The following LRTM1 variants were observed in gnomAD, a reference collection of about 807,000 sequenced individuals.
LRTM1 encodes leucine rich repeat transmembrane protein 1, also known as leucine-rich repeat and transmembrane domain-containing protein 1.
LRTM1 carries 38 observed loss-of-function variants against 32.4 expected under a neutral mutation model. That is an observed-to-expected ratio of 1.17 (90% CI 0.91 to 1.54). The LOEUF (loss-of-function observed/expected upper bound fraction) is 1.54. Among genes scored for constraint, LRTM1 ranks in the 40% most tolerant of loss-of-function variants. LRTM1 has a pLI of 0.00. For synonymous variants in LRTM1, 186 were observed against 169.9 expected (o/e 1.09, Z -0.74); for missense variants, 466 against 415.4 (o/e 1.12, Z -1.06).
intron 1 of LRTM1, among the ~76,000 whole-genome samples, chr3:54,963,960 G>C (rs978683243): frequency 6.6e-6 from 1 of 152,222 alleles, no homozygotes; most frequent in Non-Finnish European, 1.5e-5. Flanking sequence ...AGCCCTCTTA[G>C]AGTATTGAGA....
At chr3:54,957,237 G>A (rs1004528321) in intron 1 of LRTM1, among the ~76,000 whole-genome samples, 8 of 151,672 alleles carry the variant, frequency 5.3e-5, no homozygotes, top group African/African-American at 1.9e-4. Context: ...ATAGCTCAAT[G>A]CAGCCTCAAA....
intron 1 of LRTM1, among the ~76,000 whole-genome samples, chr3:54,958,870 A>G (rs531894520): frequency 1.4e-4 from 22 of 152,166 alleles, no homozygotes; most frequent in Admixed American, 8.5e-4. Context: ...TTGGGAGGCC[A>G]AGGCAGGAGG....
At chr3:54,953,790 G>C (rs138586356) in intron 1 of LRTM1, among the ~76,000 whole-genome samples, 4 of 152,094 alleles carry the variant, frequency 2.6e-5, no homozygotes, top group African/African-American at 7.2e-5. Context: ...GTGGGTGAGG[G>C]GGGTGCACTG....
At chr3:54,929,160 G>A (rs995577998), upstream of LRTM1, among the ~76,000 whole-genome samples, 2 of 152,138 alleles carry the variant, frequency 1.3e-5, no homozygotes, top group South Asian at 2.1e-4. Flanking sequence ...CACCAGCTGC[G>A]TGTCTCCAGG....
chr3:54,960,349 CATACCACAGGGA>C, intron 1 of LRTM1, among the ~76,000 whole-genome samples: 1 of 152,268 alleles, frequency 6.6e-6, no homozygotes, highest in African/African-American at 2.4e-5. Flanking sequence ...ACCAACCCCC[CATACCACAGGGA>C]ATACTTCAGA....
At position 54,926,168 on chromosome 3, in the gene LRTM1, A is replaced by G. The variant is rs1701009665; in HGVS notation, c.8-953T>C. Reference sequence around the variant, plus strand: ...TATCCCTCCAGACATTTTAAAAACAATCATTAGTAATGACAAAAATCTCAA... The same window carrying G: ...TATCCCTCCAGACATTTTAAAAACAGTCATTAGTAATGACAAAAATCTCAA... On this transcript the variant is annotated intron_variant, in intron 1 of 2. Transcript: ENST00000273286. Among the ~76,000 whole-genome samples, 4 of 152,148 alleles carry G rather than the reference A, an allele frequency of 2.6e-5. No homozygotes were observed. In the South Asian group the frequency reaches 6.2e-4, roughly 24 times the overall value.
chr3:54,951,872 A>G (rs1701765975), intron 1 of LRTM1, among the ~76,000 whole-genome samples: 1 of 151,838 alleles, frequency 6.6e-6, no homozygotes, highest in Non-Finnish European at 1.5e-5. Context: ...ATTTTTGGAG[A>G]CGGTCTCACT....
intron 2 of LRTM1, among the ~76,000 whole-genome samples, chr3:54,919,601 G>A (rs1054213421): frequency 2.6e-5 from 4 of 151,888 alleles, no homozygotes; most frequent in Non-Finnish European, 4.4e-5. Flanking sequence ...GCTGTTGGTC[G>A]GGGGAATTTG....
chr3:54,924,084 A>G (rs561935010), intron 2 of LRTM1, among the ~76,000 whole-genome samples: 19 of 152,312 alleles, frequency 1.2e-4, no homozygotes, highest in Middle Eastern at 3.4e-3. Context: ...TGTTGTCATC[A>G]TGTTAAAGAA....
intron 1 of LRTM1, among the ~76,000 whole-genome samples, chr3:54,942,974 A>C (rs4955909): frequency 0.45 from 68,472 of 151,752 alleles, 16,321 homozygotes; most frequent in East Asian, 0.76. Context: ...CAGTGAGCTG[A>C]GACTGTGCCA....
intron 1 of LRTM1, among the ~76,000 whole-genome samples, chr3:54,941,438 G>C (rs2106985134): frequency 6.6e-6 from 1 of 152,212 alleles, no homozygotes; most frequent in Non-Finnish European, 1.5e-5. Context: ...ACTACTTATT[G>C]GCCCAGGGAT....
At chr3:54,959,941 T>C (rs1426199711) in intron 1 of LRTM1, among the ~76,000 whole-genome samples, 1 of 152,164 alleles carries the variant, frequency 6.6e-6, no homozygotes, top group African/African-American at 2.4e-5. Context: ...AAAATTATTA[T>C]TCCATTCCAC....
chr3:54,942,723 T>A (rs1022151066), intron 1 of LRTM1, among the ~76,000 whole-genome samples: 1 of 151,202 alleles, frequency 6.6e-6, no homozygotes, highest in Non-Finnish European at 1.5e-5. Flanking sequence ...GCTCCATCTC[T>A]AAAAAAATAA....
intron 1 of LRTM1, among the ~76,000 whole-genome samples, chr3:54,966,649 C>T (rs1422643227): frequency 4.6e-5 from 7 of 152,022 alleles, no homozygotes; most frequent in African/African-American, 7.3e-5. Flanking sequence ...TGAAACTTCA[C>T]CTCTACAGAA....
At chr3:54,954,451 A>G (rs929481092) in intron 1 of LRTM1, among the ~76,000 whole-genome samples, 9 of 152,232 alleles carry the variant, frequency 5.9e-5, no homozygotes, top group African/African-American at 2.2e-4. Flanking sequence ...CTGCTCTGGT[A>G]GTTTCCAGAG....
upstream of LRTM1, among the ~76,000 whole-genome samples, chr3:54,930,371 A>G (rs772578857): frequency 4.6e-5 from 7 of 152,238 alleles, no homozygotes; most frequent in African/African-American, 1.7e-4. Flanking sequence ...CTGGTCAAAA[A>G]GCATAAATGG....
intron 1 of LRTM1, among the ~76,000 whole-genome samples, chr3:54,953,049 C>T (rs1701797448): frequency 6.6e-6 from 1 of 152,106 alleles, no homozygotes; most frequent in Admixed American, 6.6e-5. Flanking sequence ...AGAGACTCAA[C>T]TGCAGGGGAG....
chr3:54,939,815 C>G (rs1308852109), intron 1 of LRTM1, among the ~76,000 whole-genome samples: 2 of 152,204 alleles, frequency 1.3e-5, no homozygotes, highest in Non-Finnish European at 2.9e-5. Flanking sequence ...CTGCTCCTGC[C>G]CTTCGGCCCA....
intron 1 of LRTM1, among the ~76,000 whole-genome samples, chr3:54,937,062 G>C (rs1359218220): frequency 6.6e-6 from 1 of 152,126 alleles, no homozygotes; most frequent in African/African-American, 2.4e-5. Flanking sequence ...AGCAGTGCCC[G>C]TGTTCACCCC....
Sources: gnomAD v4.1 joint callset for allele counts (sites outside exome capture counted in the v4.1 genomes callset) on GRCh38, gnomAD v4.1.1 for gene constraint, MANE v1.5 for transcripts, NCBI Gene and HGNC (gene_info 2026-07-23, HGNC 2026-07-21) for gene names.